Variants in TSC22D1 observed in about 807,000 individuals in gnomAD.
TSC22D1 encodes the protein TSC22 domain family member 1.
Under a neutral mutation model 74.2 loss-of-function variants are expected in TSC22D1, and 9 were observed. The ratio of observed to expected loss-of-function variants is 0.12; its 90% CI spans 0.07 to 0.21. TSC22D1 has a LOEUF of 0.21. Ranked by LOEUF, TSC22D1 falls within the 10% of genes least tolerant of loss-of-function variation. The pLI is 1.00. For synonymous variants in TSC22D1, 586 were observed against 492.5 expected (o/e 1.19, Z -2.51); for missense variants, 1,427 against 1,304.7 (o/e 1.09, Z -1.44).
intron 1 of TSC22D1, among the ~76,000 whole-genome samples, chr13:44,447,618 C>T (rs542161229): frequency 6.6e-6 from 1 of 151,992 alleles, no homozygotes; most frequent in East Asian, 1.9e-4. Flanking sequence ...TAAATATAAT[C>T]TTTTATTTAT....
chr13:44,517,846 TATATA>T (rs1880107247), intron 1 of TSC22D1, among the ~76,000 whole-genome samples: 1 of 29,012 alleles, frequency 3.4e-5, no homozygotes, highest in Non-Finnish European at 1.2e-4. Context: ...TATATATATA[TATATA>T]TATATATTTT....
chr13:44,476,315 C>G (rs1207208448), intron 1 of TSC22D1, among the ~76,000 whole-genome samples: 1 of 151,952 alleles, frequency 6.6e-6, no homozygotes, highest in African/African-American at 2.4e-5. Flanking sequence ...TATAAAAATA[C>G]ATTATGTTTA....
chr13:44,490,322 G>C (rs1878640081), intron 1 of TSC22D1, among the ~76,000 whole-genome samples: 1 of 149,738 alleles, frequency 6.7e-6, no homozygotes, highest in South Asian at 2.1e-4. Flanking sequence ...CTAGGGAGAA[G>C]AATAGTACTT....
rs536484388 is a variant in TSC22D1, at chr13:44,490,681, T to C, written c.2913-54586A>G. ...GAGAGACCGAGGCGGGCAGATCATC[T>C]GAGGTCGGGAGTTCGAGACCAGCCT... On this transcript the variant is annotated intron_variant, in intron 1 of 2. Coordinates refer to ENST00000458659, the MANE Select transcript of TSC22D1 (RefSeq NM_183422.4). Among the ~76,000 whole-genome samples, 27 of 152,098 alleles carry C rather than the reference T, an allele frequency of 1.8e-4. 1 individual carries two copies. In the South Asian group the frequency reaches 5.0e-3, roughly 28 times the overall value.
chr13:44,477,638 ATTTTTTTT>A (rs35355914), intron 1 of TSC22D1, among the ~76,000 whole-genome samples: 2 of 125,384 alleles, frequency 1.6e-5, no homozygotes, highest in South Asian at 5.2e-4. Flanking sequence ...GTGCTCATAG[ATTTTTTTT>A]TTTTTTTTTT....
chr13:44,468,371 T>C (rs1316628400), intron 1 of TSC22D1, among the ~76,000 whole-genome samples: 1 of 132,130 alleles, frequency 7.6e-6, no homozygotes, highest in South Asian at 2.3e-4. Context: ...CCTAAAGCTA[T>C]TGAATTTTTT....
At chr13:44,511,074 C>T (rs1879689900) in intron 1 of TSC22D1, among the ~76,000 whole-genome samples, 1 of 151,950 alleles carries the variant, frequency 6.6e-6, no homozygotes, top group African/African-American at 2.4e-5. Context: ...TCACTTAAGC[C>T]CAGGGAGACC....
chr13:44,456,115 G>A (rs1021963381), intron 1 of TSC22D1, among the ~76,000 whole-genome samples: 10 of 152,222 alleles, frequency 6.6e-5, no homozygotes, highest in South Asian at 2.1e-4. Context: ...CTGACTTAAA[G>A]AATAAAGCCG....
chr13:44,561,177 T>C (rs556148570), intron 1 of TSC22D1, among the ~76,000 whole-genome samples: 1 of 152,292 alleles, frequency 6.6e-6, no homozygotes, highest in Non-Finnish European at 1.5e-5. Context: ...TGTTACCATA[T>C]GTGGACTGGG....
At chr13:44,545,963 C>T (rs887549915) in intron 1 of TSC22D1, among the ~76,000 whole-genome samples, 16 of 150,358 alleles carry the variant, frequency 1.1e-4, no homozygotes, top group South Asian at 2.1e-4. Context: ...GGTGACAGAG[C>T]GAGACTCCGT....
chr13:44,436,509 A>G, intron 1 of TSC22D1: 2 of 1,613,602 alleles, frequency 1.2e-6, no homozygotes, highest in East Asian at 4.5e-5. Context: ...TTTACCTATT[A>G]TCAAGTCTCA....
intron 1 of TSC22D1, among the ~76,000 whole-genome samples, chr13:44,559,262 C>G (rs1381605115): frequency 2.0e-5 from 3 of 152,118 alleles, no homozygotes; most frequent in African/African-American, 7.2e-5. Flanking sequence ...TAGCCCAAAC[C>G]AGGGATTTTC....
At chr13:44,547,597 T>C (rs1442691083) in intron 1 of TSC22D1, among the ~76,000 whole-genome samples, 1 of 152,212 alleles carries the variant, frequency 6.6e-6, no homozygotes. Context: ...CTTCAAAAAT[T>C]TTCGCAGGAA....
At chr13:44,447,815 GA>G (rs1875803895) in intron 1 of TSC22D1, among the ~76,000 whole-genome samples, 1 of 142,776 alleles carries the variant, frequency 7.0e-6, no homozygotes, top group Middle Eastern at 3.9e-3. Context: ...ATAATGCTAA[GA>G]AGACCCAATG....
At chr13:44,437,840 G>A (rs180732009) in intron 1 of TSC22D1, among the ~76,000 whole-genome samples, 2 of 152,286 alleles carry the variant, frequency 1.3e-5, no homozygotes, top group African/African-American at 2.4e-5. Flanking sequence ...CTGCCCATTT[G>A]CAGTGTCCAG....
intron 1 of TSC22D1, among the ~76,000 whole-genome samples, chr13:44,532,237 C>A (rs1287855370): frequency 3.9e-5 from 6 of 152,158 alleles, no homozygotes; most frequent in African/African-American, 1.4e-4. Flanking sequence ...GACTACTAGC[C>A]TAATTTTTAG....
chr13:44,539,858 C>T, intron 1 of TSC22D1: 1 of 1,289,724 alleles, frequency 7.8e-7, no homozygotes, highest in Non-Finnish European at 1.0e-6. Context: ...GTCAAAAGCT[C>T]TCCGTGGTCT....
At chr13:44,465,727 C>T (rs1410041905) in intron 1 of TSC22D1, among the ~76,000 whole-genome samples, 1 of 152,162 alleles carries the variant, frequency 6.6e-6, no homozygotes, top group Admixed American at 6.6e-5. Context: ...AATCCTAGCA[C>T]TTTAGGAGGC....
chr13:44,444,754 C>T (rs913418737), intron 1 of TSC22D1, among the ~76,000 whole-genome samples: 1 of 151,982 alleles, frequency 6.6e-6, no homozygotes, highest in Non-Finnish European at 1.5e-5. Context: ...ATATTCTGAA[C>T]TGAATGAAAA....
Sources: allele counts gnomAD v4.1 joint callset (sites outside exome capture counted in the v4.1 genomes callset), GRCh38; gene constraint gnomAD v4.1.1; transcripts MANE v1.5; gene names NCBI Gene and HGNC (gene_info 2026-07-23, HGNC 2026-07-21).